The following NRCAM variants were observed in gnomAD, a reference collection of about 807,000 sequenced individuals.
NRCAM encodes neuronal cell adhesion molecule.
Under a neutral mutation model 156.5 loss-of-function variants are expected in NRCAM, and 83 were observed. That is an observed-to-expected ratio of 0.53 (90% CI 0.44 to 0.64). The LOEUF is 0.64. NRCAM is among the 30% of genes least tolerant of loss of function. The pLI, the probability that NRCAM is intolerant of heterozygous loss-of-function variation, is 0.00. For synonymous variants in NRCAM, 538 were observed against 563.9 expected, an observed-to-expected ratio of 0.95 and a Z score of 0.65; for missense variants, 1,417 against 1,597.3, an observed-to-expected ratio of 0.89 and a Z score of 1.92.
At chr7:108,359,774 C>G (rs1304228418) in intron 2 of NRCAM, among the ~76,000 whole-genome samples, 1 of 152,126 alleles carries the variant, frequency 6.6e-6, no homozygotes, top group African/African-American at 2.4e-5. Context: ...GTTTGATGAG[C>G]TGTGACAAAT....
Position 108,150,013 on chromosome 7 carries a change from G to A in NRCAM, c.3812C>T (p.Ser1271Phe), listed in dbSNP as rs1473061506. The A allele has an allele frequency of 1.2e-6, 2 of 1,614,022 alleles. No homozygotes were observed. The highest frequency in any genetic ancestry group is 1.7e-5 in the Admixed American group (1 of 60,004). Residue 1271 changes from serine to phenylalanine, a missense_variant, in exon 33 of 33, where the codon TCC (serine) becomes TTC (phenylalanine). Coordinates refer to ENST00000379028, the MANE Select transcript of NRCAM (RefSeq NM_001037132.4). ...CTTACCACTGTATTGTCCAATAAAG[G>A]AGCCATCCTCATTGAACTGGCCATT... ...GVNGQFNEDG[S>F]FIGQYSGKKE...
At chr7:108,339,662 A>C (rs1038100467) in intron 2 of NRCAM, among the ~76,000 whole-genome samples, 1 of 152,180 alleles carries the variant, frequency 6.6e-6, no homozygotes, top group Non-Finnish European at 1.5e-5. Flanking sequence ...TGGTAAGCGT[A>C]ACTAATCCAA....
chr7:108,414,120 C>G (rs1217119184), intron 1 of NRCAM, among the ~76,000 whole-genome samples: 1 of 152,192 alleles, frequency 6.6e-6, no homozygotes, highest in Non-Finnish European at 1.5e-5. Context: ...AATCTGAAAA[C>G]AGGAACTTAA....
At chr7:108,198,394 C>A (rs186305383) in intron 13 of NRCAM, among the ~76,000 whole-genome samples, 1 of 151,540 alleles carries the variant, frequency 6.6e-6, no homozygotes, top group East Asian at 1.9e-4. Flanking sequence ...CCCCTTGTAT[C>A]TTTTTTTTAA....
chr7:108,302,381 G>T (rs1406448040), intron 3 of NRCAM, among the ~76,000 whole-genome samples: 2 of 152,062 alleles, frequency 1.3e-5, no homozygotes, highest in East Asian at 1.9e-4. Flanking sequence ...AATTCTACTT[G>T]CATGGAGTCC....
At chr7:108,388,251 C>A (rs1337201705) in intron 2 of NRCAM, among the ~76,000 whole-genome samples, 1 of 152,182 alleles carries the variant, frequency 6.6e-6, no homozygotes, top group Non-Finnish European at 1.5e-5. Context: ...GATCTCCATT[C>A]TAACTGGTGT....
At chr7:108,453,039 T>C (rs1598640874) in intron 1 of NRCAM, among the ~76,000 whole-genome samples, 3 of 152,192 alleles carry the variant, frequency 2.0e-5, no homozygotes, top group Admixed American at 2.0e-4. Flanking sequence ...AAAAACTCTG[T>C]GTGATGAAGT....
At chr7:108,311,676 G>A (rs1485563529) in intron 3 of NRCAM, among the ~76,000 whole-genome samples, 4 of 152,188 alleles carry the variant, frequency 2.6e-5, no homozygotes, top group African/African-American at 9.7e-5. Context: ...CTAGTCATAT[G>A]AAGTCAGTTT....
chr7:108,396,885 TA>T (rs1209284653), intron 2 of NRCAM, among the ~76,000 whole-genome samples: 1 of 152,096 alleles, frequency 6.6e-6, no homozygotes. Context: ...TCTAGAGAAA[TA>T]AAGGCTGCCA....
At chr7:108,424,625 A>C (rs1311357800) in intron 1 of NRCAM, among the ~76,000 whole-genome samples, 1 of 152,218 alleles carries the variant, frequency 6.6e-6, no homozygotes, top group Non-Finnish European at 1.5e-5. Context: ...AGTCCTATCT[A>C]CACCTGGAGT....
At chr7:108,444,083 A>AATAC (rs1841834565) in intron 1 of NRCAM, among the ~76,000 whole-genome samples, 2 of 152,032 alleles carry the variant, frequency 1.3e-5, no homozygotes, top group South Asian at 4.1e-4. Context: ...TAAATAAATA[A>AATAC]ATAAAACAAT....
Position 108,313,059 on chromosome 7 carries a change from G to A in NRCAM, c.-173-328C>T, listed in dbSNP as rs550382722. 4.6e-4 allele frequency: 70 copies of A among 152,188 alleles called. 1 individual carries two copies. The highest frequency in any genetic ancestry group is 4.4e-5 in the Non-Finnish European group (3 of 68,006). The allele number at this position is 152,188 out of a possible 1,614,324, so 9.4% of individuals were successfully genotyped here. On this transcript the variant is annotated intron_variant, in intron 2 of 32. Coordinates refer to ENST00000379028, the MANE Select transcript of NRCAM (RefSeq NM_001037132.4). ...CTATACAGTGTGGATAAAATACTTT[G>A]CTATGGGCTTATTATTATTATTATT... is the stretch of plus-strand genomic sequence containing the variant.
chr7:108,358,715 C>A (rs990828178), intron 2 of NRCAM, among the ~76,000 whole-genome samples: 1 of 152,174 alleles, frequency 6.6e-6, no homozygotes, highest in African/African-American at 2.4e-5. Flanking sequence ...CTGTAAGTCA[C>A]TCCCTCCTGT....
chr7:108,165,000 T>C (rs2052939441), intron 30 of NRCAM, among the ~76,000 whole-genome samples: 1 of 152,206 alleles, frequency 6.6e-6, no homozygotes, highest in Admixed American at 6.5e-5. Flanking sequence ...CAACTTGATT[T>C]TGAGGGTGAA....
In NRCAM at chr7:108,231,155, T is replaced by C. The variant is rs2094274712; in HGVS notation, c.428-2A>G. On this transcript the variant is annotated splice_acceptor_variant, in intron 7 of 32. Transcript: ENST00000379028. LOFTEE classifies it high-confidence loss of function. ...TTTCTTTGGTCCACAATGGTGATCC[T>C]ATTAAATAAAAAAATAACTTCTCAG... is the stretch of plus-strand genomic sequence containing the variant. The C allele has an allele frequency of 3.8e-6, 6 of 1,569,376 alleles. No homozygotes were observed. Among genetic ancestry groups the C allele is most frequent in the Non-Finnish European group, 4.3e-6 (5 of 1,165,760 alleles).
intron 3 of NRCAM, among the ~76,000 whole-genome samples, chr7:108,250,832 G>T (rs751405256): frequency 6.6e-6 from 1 of 151,922 alleles, no homozygotes; most frequent in Admixed American, 6.6e-5. Flanking sequence ...TGATTATTAC[G>T]CATTGGATGC....
chr7:108,373,437 T>C (rs941120388), intron 2 of NRCAM, among the ~76,000 whole-genome samples: 8 of 152,194 alleles, frequency 5.3e-5, no homozygotes, highest in Admixed American at 3.3e-4. Flanking sequence ...ATGAATCTCC[T>C]CTGAGATGTA....
At chr7:108,160,039 T>C (rs2047928888) in intron 31 of NRCAM, among the ~76,000 whole-genome samples, 1 of 152,200 alleles carries the variant, frequency 6.6e-6, no homozygotes, top group East Asian at 1.9e-4. Flanking sequence ...AAAAACTCCA[T>C]GAACCTTCCC....
intron 2 of NRCAM, among the ~76,000 whole-genome samples, chr7:108,318,492 C>T (rs772130624): frequency 6.6e-6 from 1 of 152,174 alleles, no homozygotes; most frequent in Non-Finnish European, 1.5e-5. Flanking sequence ...GTTAGATTCC[C>T]TTTCTCAAAG....
Sources: allele counts gnomAD v4.1 joint callset (sites outside exome capture counted in the v4.1 genomes callset), GRCh38; gene constraint gnomAD v4.1.1; transcripts MANE v1.5; gene names NCBI Gene and HGNC (gene_info 2026-07-23, HGNC 2026-07-21).